Variants in XYLB observed in about 807,000 individuals in gnomAD.
The protein encoded by XYLB is xylulokinase, also known as xylulose kinase.
A neutral mutation model predicts 78.7 loss-of-function variants in XYLB; 62 were observed. The ratio of observed to expected loss-of-function variants is 0.79; its 90% confidence interval spans 0.64 to 0.97. The LOEUF (loss-of-function observed/expected upper bound fraction) is 0.97, where lower values mean the gene tolerates loss of function less well. XYLB is among the 50% of genes least tolerant of loss of function. The pLI, the probability that XYLB is intolerant of heterozygous loss-of-function variation, is 0.00. For missense variants in XYLB, 687 were observed against 676.8 expected, an observed-to-expected ratio of 1.02 and a Z score of -0.17; for synonymous variants, 245 against 247.4, an observed-to-expected ratio of 0.99 and a Z score of 0.09.
At chr3:38,366,363 C>T (rs1056287920) in intron 6 of XYLB, among the ~76,000 whole-genome samples, 1 of 152,210 alleles carries the variant, frequency 6.6e-6, no homozygotes, top group East Asian at 1.9e-4. Flanking sequence ...GTTATTCACT[C>T]AGGGTTGTCC....
chr3:38,405,858 G>A (rs1446429856), intron 18 of XYLB, among the ~76,000 whole-genome samples: 4 of 152,244 alleles, frequency 2.6e-5, no homozygotes, highest in Non-Finnish European at 4.4e-5. Flanking sequence ...GCCCAGGCTT[G>A]CTTAGGTAAA....
At chr3:38,357,353 C>A (rs1705708854) in intron 2 of XYLB, among the ~76,000 whole-genome samples, 1 of 151,738 alleles carries the variant, frequency 6.6e-6, no homozygotes, top group Non-Finnish European at 1.5e-5. Flanking sequence ...ATTTTCCATT[C>A]CCACCAGTGG....
chr3:38,445,470 G>A, the XYLB span, among the ~76,000 whole-genome samples: 341 of 152,296 alleles, frequency 2.2e-3, 1 homozygote, highest in African/African-American at 6.5e-3. Flanking sequence ...GACTAGTCTC[G>A]GAGAAGAGAG....
chr3:38,368,216 C>T lies in XYLB; in HGVS notation c.605C>T (p.Ser202Phe). 1 of 1,614,156 alleles carries T rather than the reference C, an allele frequency of 6.2e-7. No homozygotes were observed. The highest frequency in any genetic ancestry group is 8.5e-7 in the Non-Finnish European group (1 of 1,180,022). ...RISLVSSFAASLFLGSYSPID... is the reference protein window; with the variant it reads ...RISLVSSFAAFLFLGSYSPID... ...TCTTTGGTCAGTAGCTTTGCTGCTT[C>T]CCTGTTCCTTGGCTCTTACTCCCCT... The change falls in exon 8 of 19, where the codon TCC becomes TTC. Residue 202 changes from serine to phenylalanine, a missense_variant. Physicochemically the swap from Ser to Phe is radical, Grantham distance 155. Coordinates refer to ENST00000207870, the MANE Select transcript of XYLB (RefSeq NM_005108.4).
the XYLB span, among the ~76,000 whole-genome samples, chr3:38,439,931 A>C: frequency 6.6e-6 from 1 of 152,140 alleles, no homozygotes; most frequent in African/African-American, 2.4e-5. Context: ...TAGGCCTCAG[A>C]GGTTTTGGAG....
intron 18 of XYLB, among the ~76,000 whole-genome samples, chr3:38,411,593 G>GT (rs1462659697): frequency 6.6e-6 from 1 of 150,782 alleles, no homozygotes; most frequent in Non-Finnish European, 1.5e-5. Flanking sequence ...CCTTGCCTTA[G>GT]TACAGTTGCT....
chr3:38,419,603 T>TATATATATATATATATATATATA (rs71085322), downstream of XYLB, among the ~76,000 whole-genome samples: 33 of 80,890 alleles, frequency 4.1e-4, no homozygotes, highest in Non-Finnish European at 9.0e-4. Flanking sequence ...TATATATATA[T>TATATATATATATATATATATATA]AATAGCCATC....
At chr3:38,419,603 T>TATATATATATATATATAAAA (rs71085322), downstream of XYLB, among the ~76,000 whole-genome samples, 1 of 80,888 alleles carries the variant, frequency 1.2e-5, no homozygotes, top group African/African-American at 3.3e-5. Flanking sequence ...TATATATATA[T>TATATATATATATATATAAAA]AATAGCCATC....
At chr3:38,361,325 G>A (rs960550641) in intron 3 of XYLB, among the ~76,000 whole-genome samples, 1 of 151,128 alleles carries the variant, frequency 6.6e-6, no homozygotes, top group Non-Finnish European at 1.5e-5. Flanking sequence ...CCGAGTCCCT[G>A]AAACTGGAGG....
At chr3:38,349,637 G>A (rs1187928170) in intron 2 of XYLB, among the ~76,000 whole-genome samples, 1 of 152,194 alleles carries the variant, frequency 6.6e-6, no homozygotes, top group African/African-American at 2.4e-5. Flanking sequence ...ATGAGTTTTG[G>A]AGAGAAAGAT....
chr3:38,419,078 G>A (rs955483903), downstream of XYLB, among the ~76,000 whole-genome samples: 6 of 152,042 alleles, frequency 3.9e-5, no homozygotes, highest in Middle Eastern at 3.4e-3. Flanking sequence ...CTTGATAACC[G>A]CTATCCTTTC....
At chr3:38,398,035 G>C (rs987615874) in intron 17 of XYLB, among the ~76,000 whole-genome samples, 1 of 151,222 alleles carries the variant, frequency 6.6e-6, no homozygotes, top group African/African-American at 2.4e-5. Context: ...AGCCAGGATG[G>C]TCTCGATCTC....
intron 15 of XYLB, among the ~76,000 whole-genome samples, chr3:38,385,990 C>A (rs772769883): frequency 1.3e-5 from 2 of 152,146 alleles, no homozygotes; most frequent in Admixed American, 6.5e-5. Context: ...TCAATACACA[C>A]GTTACCTTTC....
rs1161352167 is a variant in XYLB at position 38,413,144 on chromosome 3, A to G, written c.*131A>G. On this transcript the variant is annotated 3_prime_UTR_variant, in exon 19 of 19. Coordinates refer to ENST00000207870, the MANE Select transcript of XYLB (RefSeq NM_005108.4). ...CCCCTACTGACTCCTTGGAGTGTCCAGGACCATCTTAAAGCCGCCCTCAGC... is the reference window on the plus strand; with the variant it reads ...CCCCTACTGACTCCTTGGAGTGTCCGGGACCATCTTAAAGCCGCCCTCAGC... The G allele has an allele frequency of 1.1e-6, 1 of 883,946 alleles. No homozygotes were observed. Among genetic ancestry groups the G allele is most frequent in the Non-Finnish European group, 1.6e-6 (1 of 614,608 alleles). The allele number at this position is 883,946 out of a possible 1,614,324, so 54.8% of individuals were successfully genotyped here.
chr3:38,351,950 T>C (rs1705388349), intron 2 of XYLB, among the ~76,000 whole-genome samples: 1 of 152,216 alleles, frequency 6.6e-6, no homozygotes, highest in Non-Finnish European at 1.5e-5. Flanking sequence ...GTTTCTCTTT[T>C]CTGTTGTTAT....
At chr3:38,390,894 T>C (rs17037644) in intron 15 of XYLB, among the ~76,000 whole-genome samples, 6,338 of 152,192 alleles carry the variant, frequency 0.042, 259 homozygotes, top group African/African-American at 0.11. Context: ...AACATATTAA[T>C]CAAACATCTG....
intron 18 of XYLB, among the ~76,000 whole-genome samples, chr3:38,405,429 G>C (rs13095158): frequency 0.49 from 72,940 of 150,338 alleles, 19,652 homozygotes; most frequent in Non-Finnish European, 0.61. Context: ...GGAACAGCTC[G>C]GGTCTACAGC....
At chr3:38,363,089 A>G in intron 4 of XYLB, 72 bp downstream of exon 4, 2 of 1,273,856 alleles carry the variant, frequency 1.6e-6, no homozygotes, top group Non-Finnish European at 2.1e-6. Context: ...TGTTGAAGAG[A>G]TGGCAACCCT....
chr3:38,346,860 C>G lies in XYLB; in HGVS notation c.-9C>G, dbSNP rs746164964. The G allele has an allele frequency of 1.9e-5, 29 of 1,515,736 alleles. No homozygotes were observed. The South Asian group carries it at 3.5e-4, about 18-fold the overall frequency. 93.9% of individuals were successfully genotyped at this position (1,515,736 alleles called of 1,614,324 possible). A position where few individuals can be genotyped will look rare whatever the true frequency, so the allele number is the denominator to read the frequency against. On this transcript the variant is annotated 5_prime_UTR_variant, in exon 1 of 19. Transcript: ENST00000207870. ...GGACTGACGGACGCGCAGCCTTACCCGAAAGGCCATGGCGGAGCACGCCCC... is the reference window on the plus strand; with the variant it reads ...GGACTGACGGACGCGCAGCCTTACCGGAAAGGCCATGGCGGAGCACGCCCC...
Sources: gnomAD v4.1 joint callset for allele counts (sites outside exome capture counted in the v4.1 genomes callset) on GRCh38, gnomAD v4.1.1 for gene constraint, MANE v1.5 for transcripts, NCBI Gene and HGNC (gene_info 2026-07-23, HGNC 2026-07-21) for gene names.